AACS: variants seen among roughly 807,000 people sequenced by gnomAD.
AACS encodes acetoacetate-CoA ligase.
In AACS, 69 loss-of-function variants were observed where a neutral mutation model predicts 83.1. The ratio of observed to expected loss-of-function variants is 0.83; its 90% CI spans 0.68 to 1.01. The LOEUF (loss-of-function observed/expected upper bound fraction) is 1.01, where lower values mean the gene tolerates loss of function less well. Among genes scored for constraint, AACS ranks in the 50% least tolerant of loss-of-function variants. The pLI, the probability that AACS is intolerant of heterozygous loss-of-function variation, is 0.00. For missense variants in AACS, 866 were observed against 882.2 expected (o/e 0.98, Z 0.23); for synonymous variants, 333 against 343.4 (o/e 0.97, Z 0.33).
intron 4 of AACS, among the ~76,000 whole-genome samples, chr12:125,090,071 C>A (rs865915577): frequency 1.3e-5 from 2 of 149,300 alleles, no homozygotes; most frequent in East Asian, 4.0e-4. Flanking sequence ...TCCATCTATC[C>A]ATCCACTCAT....
In AACS at chr12:125,086,886, G is replaced by A. The variant is rs142843582; in HGVS notation, c.472+443G>A. Among the ~76,000 whole-genome samples, 88 of 152,190 alleles carry A rather than the reference G, an allele frequency of 5.8e-4. 1 individual carries two copies. The highest frequency in any genetic ancestry group is 1.4e-3 in the Admixed American group (22 of 15,280). Reference sequence around the variant, plus strand: ...TGCTGGAGGGAGGAAGGCGCATTTAGGAGTTAGCCCTGCAGTGAGGCAGGG... The same window carrying A: ...TGCTGGAGGGAGGAAGGCGCATTTAAGAGTTAGCCCTGCAGTGAGGCAGGG... On this transcript the variant is annotated intron_variant, in intron 4 of 17. Coordinates refer to ENST00000316519, the MANE Select transcript of AACS (RefSeq NM_023928.5).
chr12:125,078,323 C>A lies in AACS; in HGVS notation c.358+1712C>A, dbSNP rs775228978. On this transcript the variant is annotated intron_variant, in intron 3 of 17. Coordinates refer to ENST00000316519, the MANE Select transcript of AACS (RefSeq NM_023928.5). ...CCCATGGGCACTTCTGATGCACATT[C>A]CTGGTGAAGAGCCATGGAGCAACGT... 45 of 456,132 alleles carry A rather than the reference C, an allele frequency of 9.9e-5. No individual in the cohort carries two copies. In the East Asian group the frequency reaches 3.0e-3, roughly 30 times the overall value. The allele number at this position is 456,132 out of a possible 1,614,324, so 28.3% of individuals were successfully genotyped here.
At chr12:125,089,810 C>A (rs912602930) in intron 4 of AACS, among the ~76,000 whole-genome samples, 2 of 151,924 alleles carry the variant, frequency 1.3e-5, no homozygotes, top group African/African-American at 2.4e-5. Context: ...ACCCATCCAT[C>A]CATCCATCTT....
chr12:125,098,179 C>T (rs1956651629), intron 5 of AACS, among the ~76,000 whole-genome samples: 1 of 152,088 alleles, frequency 6.6e-6, no homozygotes, highest in Admixed American at 6.5e-5. Flanking sequence ...CCTGTAATCC[C>T]AGCACTTTGG....
chr12:125,125,442 G>T (rs577545523), intron 12 of AACS, among the ~76,000 whole-genome samples: 129 of 152,260 alleles, frequency 8.5e-4, no homozygotes, highest in African/African-American at 2.9e-3. Context: ...CCCTGCCCTG[G>T]GCTCCTGTGT....
rs12426083 is a variant in AACS at position 125,141,719 on chromosome 12, A to G, written c.1882-373A>G. On this transcript the variant is annotated intron_variant, in intron 17 of 17. Coordinates refer to ENST00000316519, the MANE Select transcript of AACS (RefSeq NM_023928.5). ...CTCAAAAAAAAAAAAAAGAAAAAAA[A>G]AGAAAAAAAGAAAAATGAACATGCT... is the stretch of plus-strand genomic sequence containing the variant. 402 of 174,296 alleles carry G rather than the reference A, an allele frequency of 2.3e-3. 1 individual carries two copies. The highest frequency in any genetic ancestry group is 0.01 in the South Asian group (66 of 6,498). The allele number at this position is 174,296 out of a possible 1,614,324, so 10.8% of individuals were successfully genotyped here.
chr12:125,125,143 A>G, intron 12 of AACS, 119 bp downstream of exon 12: 1 of 1,446,258 alleles, frequency 6.9e-7, no homozygotes, highest in Admixed American at 1.9e-5. Flanking sequence ...GCCAATACGC[A>G]CAGTCCCTTC....
chr12:125,095,763 C>T (rs372682491), intron 5 of AACS, among the ~76,000 whole-genome samples: 5 of 152,182 alleles, frequency 3.3e-5, no homozygotes, highest in South Asian at 2.1e-4. Context: ...TCTTAGCACC[C>T]GAATCTGTTC....
At chr12:125,078,401 C>T (rs1369633669) in intron 3 of AACS, 2 of 449,338 alleles carry the variant, frequency 4.5e-6, no homozygotes, top group Admixed American at 4.7e-5. Flanking sequence ...TTCCTTGGTT[C>T]TCAGCCTTGA....
In AACS at chr12:125,065,708, C is replaced by G; in HGVS notation, c.124C>G (p.Leu42Val). Residue 42 changes from leucine (L) to valine (V), a missense_variant, in exon 1 of 18, where the codon CTG (leucine) becomes GTG (valine). Coordinates refer to ENST00000316519, the MANE Select transcript of AACS (RefSeq NM_023928.5). ...GGCGGCTGTGGGCGCCGCCTGCGGCCTGGCGCTGGGTGAGAGTCGGGCGCG... is the reference window on the plus strand; with the variant it reads ...GGCGGCTGTGGGCGCCGCCTGCGGCGTGGCGCTGGGTGAGAGTCGGGCGCG... ...FRAAVGAACG[L>V]ALESYDDLYH... 6.5e-7 allele frequency: 1 copy of G among 1,537,176 alleles called. No homozygotes were observed. Among genetic ancestry groups the G allele is most frequent in the Non-Finnish European group, 8.8e-7 (1 of 1,141,384 alleles).
intron 2 of AACS, among the ~76,000 whole-genome samples, chr12:125,075,233 A>T (rs1016035674): frequency 2.0e-5 from 3 of 150,928 alleles, no homozygotes; most frequent in Non-Finnish European, 4.4e-5. Context: ...TCAGCTTTCC[A>T]AAGTGCTGGG....
At chr12:125,109,121 T>G (rs1250494398) in intron 8 of AACS, among the ~76,000 whole-genome samples, 1 of 152,140 alleles carries the variant, frequency 6.6e-6, no homozygotes, top group Admixed American at 6.5e-5. Context: ...CTTTAACATT[T>G]TCAACGTCCT....
chr12:125,119,265 G>C (rs187826157), intron 10 of AACS, among the ~76,000 whole-genome samples: 1 of 152,188 alleles, frequency 6.6e-6, no homozygotes, highest in East Asian at 1.9e-4. Context: ...TGCATAGTAC[G>C]GCGTTGTCAG....
rs1957299974 is a variant in AACS at position 125,129,577 on chromosome 12, A to C, written c.1549+117A>C. 2.2e-6 allele frequency: 3 copies of C among 1,333,856 alleles called. No individual in the cohort carries two copies. The African/African-American group carries it at 4.4e-5, about 20-fold the overall frequency. The allele number at this position is 1,333,856 out of a possible 1,614,324, so 82.6% of individuals were successfully genotyped here. On this transcript the variant is annotated intron_variant, in intron 14 of 17. Coordinates refer to ENST00000316519, the MANE Select transcript of AACS (RefSeq NM_023928.5). The surrounding 1 kb of genome is among the most constrained non-coding windows in gnomAD (Gnocchi z 4.3). ...TCCTTCCCCCACCAGGGCTTGGAGA[A>C]GCTGCTTATAGTTCATTCCGCCAGT...
intron 17 of AACS, 42 bp from the exon 18 acceptor site, chr12:125,142,050 T>A (rs764023327): frequency 6.2e-7 from 1 of 1,610,904 alleles, no homozygotes; most frequent in Non-Finnish European, 8.5e-7. Context: ...TTTTCCCCCC[T>A]TCAGGTTTAA....
At chr12:125,083,317 G>A (rs1407650265) in intron 3 of AACS, among the ~76,000 whole-genome samples, 2 of 152,194 alleles carry the variant, frequency 1.3e-5, no homozygotes, top group Non-Finnish European at 2.9e-5. Context: ...GAGTGAGCCA[G>A]ATGGGAACTG....
At chr12:125,075,535 G>T (rs570083041) in intron 2 of AACS, among the ~76,000 whole-genome samples, 6 of 150,898 alleles carry the variant, frequency 4.0e-5, no homozygotes, top group South Asian at 4.2e-4. Flanking sequence ...CAGGTGATCC[G>T]CCTGCCTTGG....
Position 125,094,040 on chromosome 12 carries a change from G to T in AACS, c.570+2517G>T, listed in dbSNP as rs1039042904. On this transcript the variant is annotated intron_variant, in intron 5 of 17. Coordinates refer to ENST00000316519, the MANE Select transcript of AACS (RefSeq NM_023928.5). The surrounding 1 kb of genome is among the most constrained non-coding windows in gnomAD (Gnocchi z 4.1). The stretch of plus-strand genomic sequence containing the variant: ...TAAGGACCTGGCACAGGTCGACTGC[G>T]CGAAAGCCTCTGCTCACCCTCTATT... 6.6e-6 allele frequency among the ~76,000 whole-genome samples: 1 copy of T among 152,074 alleles called. No individual in the cohort carries two copies. Among genetic ancestry groups the T allele is most frequent in the Non-Finnish European group, 1.5e-5 (1 of 68,004 alleles).
At chr12:125,107,309 T>C (rs1470873121) in intron 8 of AACS, 41 bp downstream of exon 8, 1 of 1,601,968 alleles carries the variant, frequency 6.2e-7, no homozygotes, top group Non-Finnish European at 8.5e-7. Context: ...TCCTGTTGTC[T>C]GTTTGCTTCA....
Sources: allele counts gnomAD v4.1 joint callset (sites outside exome capture counted in the v4.1 genomes callset), GRCh38; gene constraint gnomAD v4.1.1; non-coding constraint Gnocchi (gnomAD v3.1); transcripts MANE v1.5; gene names NCBI Gene and HGNC (gene_info 2026-07-23, HGNC 2026-07-21).